CSMD2: variants seen among roughly 807,000 people sequenced by gnomAD.
CSMD2 encodes the protein CUB and sushi domain-containing protein 2.
In CSMD2, 130 loss-of-function variants were observed where a neutral mutation model predicts 398.5. The ratio of observed to expected loss-of-function variants is 0.33; its 90% CI spans 0.28 to 0.38. CSMD2 has a LOEUF of 0.38. CSMD2 is among the 10% of genes least tolerant of loss of function. The pLI is 1.00. For missense variants in CSMD2, 3,829 were observed against 4,764.9 expected (o/e 0.80, Z 5.78); for synonymous variants, 1,828 against 1,908.5 (o/e 0.96, Z 1.10).
chr1:33,567,508 C>T (rs1659161418), intron 53 of CSMD2, 85 bp downstream of exon 53: 4 of 1,110,398 alleles, frequency 3.6e-6, no homozygotes, highest in Non-Finnish European at 5.1e-6. Flanking sequence ...TAAAACAAAC[C>T]TCTAGCTAAT....
chr1:33,663,654 G>A (rs757658303), intron 25 of CSMD2, among the ~76,000 whole-genome samples: 2 of 152,172 alleles, frequency 1.3e-5, no homozygotes, highest in Non-Finnish European at 2.9e-5. Context: ...GATAATCTCT[G>A]CAGACCTCAG....
chr1:34,158,577 C>G (rs1641021211), intron 1 of CSMD2, among the ~76,000 whole-genome samples: 1 of 152,204 alleles, frequency 6.6e-6, no homozygotes, highest in African/African-American at 2.4e-5. Context: ...ACTCCCCCCA[C>G]TGGGTATAGT....
chr1:33,903,361 A>G (rs1405684761), intron 5 of CSMD2, among the ~76,000 whole-genome samples: 1 of 151,658 alleles, frequency 6.6e-6, no homozygotes, highest in Non-Finnish European at 1.5e-5. Context: ...AGACTGGCCA[A>G]GTGACTTGCA....
chr1:33,902,566 A>G (rs1453402782), intron 5 of CSMD2, among the ~76,000 whole-genome samples: 1 of 152,050 alleles, frequency 6.6e-6, no homozygotes, highest in Non-Finnish European at 1.5e-5. Context: ...GCTGGTTCTA[A>G]TCAGGATCCG....
At chr1:33,968,960 A>ACCTTGTCAGTCACATGTCCC (rs1645656024) in intron 3 of CSMD2, among the ~76,000 whole-genome samples, 1 of 152,166 alleles carries the variant, frequency 6.6e-6, no homozygotes, top group Admixed American at 6.5e-5. Context: ...CTAGCCTTCA[A>ACCTTGTCAGTCACATGTCCC]CCTTGTCAGT....
chr1:33,704,841 C>G (rs1010362476), intron 22 of CSMD2, among the ~76,000 whole-genome samples: 16 of 152,108 alleles, frequency 1.1e-4, no homozygotes, highest in African/African-American at 3.6e-4. Context: ...TGGCTCACTG[C>G]AAGCTCCACC....
chr1:33,725,053 G>A (rs1353920455), intron 17 of CSMD2, among the ~76,000 whole-genome samples: 1 of 152,200 alleles, frequency 6.6e-6, no homozygotes, highest in East Asian at 1.9e-4. Context: ...TTAACTTCAT[G>A]GTCAGTCAAA....
intron 13 of CSMD2, among the ~76,000 whole-genome samples, chr1:33,747,457 C>T (rs956951874): frequency 3.9e-5 from 6 of 152,060 alleles, no homozygotes; most frequent in African/African-American, 1.4e-4. Flanking sequence ...TAGGTTGGAG[C>T]ATGCTTTTAA....
At chr1:33,522,502 G>A (rs2148528844) in intron 67 of CSMD2, among the ~76,000 whole-genome samples, 1 of 152,308 alleles carries the variant, frequency 6.6e-6, no homozygotes, top group East Asian at 1.9e-4. Flanking sequence ...GGCCTACCAA[G>A]GAACTACCTG....
At chr1:34,133,786 G>A (rs1252112039) in intron 1 of CSMD2, among the ~76,000 whole-genome samples, 11 of 151,720 alleles carry the variant, frequency 7.3e-5, no homozygotes, top group Non-Finnish European at 1.5e-4. Context: ...TAAAACTCGG[G>A]CAGGCTGGGT....
At chr1:33,614,462 TG>T in intron 40 of CSMD2, 41 bp downstream of exon 40, 2 of 1,177,758 alleles carry the variant, frequency 1.7e-6, no homozygotes, top group Non-Finnish European at 2.5e-6. Context: ...CTCAAGGGTC[TG>T]GGCTTGAAGC....
chr1:33,913,980 A>C (rs1387944256), intron 5 of CSMD2, among the ~76,000 whole-genome samples: 1 of 152,126 alleles, frequency 6.6e-6, no homozygotes, highest in Non-Finnish European at 1.5e-5. Context: ...ACTTCTACTC[A>C]GTATAACGTG....
intron 6 of CSMD2, among the ~76,000 whole-genome samples, chr1:33,846,523 G>A (rs1267194138): frequency 6.6e-6 from 1 of 152,230 alleles, no homozygotes; most frequent in Admixed American, 6.5e-5. Context: ...TGTCCATAAA[G>A]TGAGGTGATG....
intron 3 of CSMD2, among the ~76,000 whole-genome samples, chr1:33,950,383 C>CAGAGAGAGAGAG (rs3045848): frequency 0.018 from 2,402 of 133,560 alleles, 20 homozygotes; most frequent in African/African-American, 0.032. Context: ...TCTCCTCCAG[C>CAGAGAGAGAGAG]AGAGAGAGAG....
chr1:34,138,598 C>T (rs1340424745), intron 1 of CSMD2, among the ~76,000 whole-genome samples: 1 of 152,150 alleles, frequency 6.6e-6, no homozygotes, highest in East Asian at 1.9e-4. Context: ...TAATGCTATG[C>T]ATCTTCTACA....
In CSMD2 at chr1:34,134,052, C is replaced by CAAAAAAAAAAA. The variant is rs59062675; in HGVS notation, c.187+30848_187+30858dup. Among the ~76,000 whole-genome samples, 6 of 85,228 alleles carry CAAAAAAAAAAA rather than the reference C, an allele frequency of 7.0e-5. No individual in the cohort carries two copies. In the East Asian group the frequency reaches 1.5e-3, roughly 21 times the overall value. The allele number at this position is 85,228 out of a possible 152,430, so 55.9% of individuals were successfully genotyped here. The stretch of plus-strand genomic sequence containing the variant: ...TGGGTGACAGAGTGAGACTCTGTCT[C>CAAAAAAAAAAA]AAAAAAAAAAAAAAAAAAAAAAAAA... On this transcript the variant is annotated intron_variant, in intron 1 of 70. Transcript: ENST00000373381.
chr1:34,009,986 G>A (rs955212035), intron 3 of CSMD2, among the ~76,000 whole-genome samples: 2 of 152,134 alleles, frequency 1.3e-5, no homozygotes, highest in Non-Finnish European at 2.9e-5. Flanking sequence ...TCAGCAGCCA[G>A]AGTGATCTTT....
At chr1:33,999,235 G>A (rs1438337438) in intron 3 of CSMD2, among the ~76,000 whole-genome samples, 1 of 152,196 alleles carries the variant, frequency 6.6e-6, no homozygotes, top group Non-Finnish European at 1.5e-5. Flanking sequence ...CAGAGGAGGA[G>A]GCAATAAAAT....
intron 53 of CSMD2, among the ~76,000 whole-genome samples, chr1:33,564,990 A>G (rs922144583): frequency 6.6e-6 from 1 of 152,232 alleles, no homozygotes; most frequent in Non-Finnish European, 1.5e-5. Flanking sequence ...AGAAGAATAA[A>G]TAATAGAAAA....
Sources: gnomAD v4.1 joint callset for allele counts (sites outside exome capture counted in the v4.1 genomes callset) on GRCh38, gnomAD v4.1.1 for gene constraint, MANE v1.5 for transcripts, NCBI Gene and HGNC (gene_info 2026-07-23, HGNC 2026-07-21) for gene names.